ADK: variants seen among roughly 807,000 people sequenced by gnomAD.
The protein encoded by ADK is adenosine kinase.
ADK carries 24 observed loss-of-function variants against 44.7 expected under a neutral mutation model. That is an observed-to-expected ratio of 0.54 (90% CI 0.39 to 0.76). The LOEUF (loss-of-function observed/expected upper bound fraction) is 0.76, where lower values mean the gene tolerates loss of function less well. Ranked by LOEUF, ADK falls within the 30% of genes least tolerant of loss-of-function variation. The pLI is 0.00. For synonymous variants in ADK, 128 were observed against 142.6 expected (o/e 0.90, Z 0.73); for missense variants, 321 against 425.1 (o/e 0.76, Z 2.15).
chr10:74,423,478 G>T (rs180681521), intron 6 of ADK: 21 of 191,792 alleles, frequency 1.1e-4, no homozygotes, highest in Non-Finnish European at 2.2e-5. Context: ...TCTTCTGGAG[G>T]TCCGTACCTC....
chr10:74,381,907 TG>T (rs1351359188), intron 4 of ADK, among the ~76,000 whole-genome samples: 3 of 152,318 alleles, frequency 2.0e-5, no homozygotes, highest in African/African-American at 4.8e-5. Flanking sequence ...TGAGGGATTT[TG>T]CTTTTTATAA....
At chr10:74,380,157 G>A (rs1394974207) in intron 4 of ADK, among the ~76,000 whole-genome samples, 1 of 151,922 alleles carries the variant, frequency 6.6e-6, no homozygotes, top group Non-Finnish European at 1.5e-5. Flanking sequence ...GCTATGCTTT[G>A]CATTTTATAT....
chr10:74,415,039 T>C (rs998909355), intron 6 of ADK, among the ~76,000 whole-genome samples: 1 of 152,196 alleles, frequency 6.6e-6, no homozygotes, highest in African/African-American at 2.4e-5. Flanking sequence ...TAGTATTGGT[T>C]ATGGGAGCTT....
At position 74,218,471 on chromosome 10, in the gene ADK, G is replaced by A. The variant is rs558489862; in HGVS notation, c.141-6067G>A. ...CAGGATATTATCCAGGAGAACTTCT[G>A]CAATCTAGCAAGGCAGCCAACATTC... is the stretch of plus-strand genomic sequence containing the variant. On this transcript the variant is annotated intron_variant, in intron 2 of 10. Coordinates refer to ENST00000539909, the MANE Select transcript of ADK (RefSeq NM_006721.4). Among the ~76,000 whole-genome samples, 11 of 152,258 alleles carry A rather than the reference G, an allele frequency of 7.2e-5. 1 individual carries two copies. Among genetic ancestry groups the A allele is most frequent in the African/African-American group, 1.4e-4 (6 of 41,546 alleles).
rs759325869 is a variant in ADK at position 74,525,434 on chromosome 10, AC to A, written c.726+10del. ...CTTTTTGGAAATGAGACAGTGAGTTACCTTTCCTTTTTCAAAAGAACCTGGG... is the reference window on the plus strand; with the variant it reads ...CTTTTTGGAAATGAGACAGTGAGTTACTTTCCTTTTTCAAAAGAACCTGGG... On this transcript the variant is annotated intron_variant, in intron 7 of 10. Transcript: ENST00000539909. The A allele has an allele frequency of 1.2e-6, 2 of 1,608,282 alleles. No homozygotes were observed. The highest frequency in any genetic ancestry group is 4.5e-5 in the East Asian group (2 of 44,750).
At chr10:74,176,571 C>T in intron 1 of ADK, 3 of 1,349,194 alleles carry the variant, frequency 2.2e-6, no homozygotes, top group Non-Finnish European at 2.9e-6. Flanking sequence ...CTCAAGATGG[C>T]CACCGCGCCC....
intron 7 of ADK, among the ~76,000 whole-genome samples, chr10:74,570,722 T>C (rs532572051): frequency 1.3e-5 from 2 of 152,246 alleles, no homozygotes; most frequent in Non-Finnish European, 2.9e-5. Flanking sequence ...TATACAATCA[T>C]GTCATCTCAA....
intron 9 of ADK, among the ~76,000 whole-genome samples, chr10:74,621,983 G>A (rs1450455983): frequency 6.6e-6 from 1 of 151,998 alleles, no homozygotes; most frequent in Non-Finnish European, 1.5e-5. Flanking sequence ...TATCTGTTTT[G>A]TGTACCATAC....
intron 6 of ADK, among the ~76,000 whole-genome samples, chr10:74,439,334 T>C (rs1163797833): frequency 2.2e-5 from 2 of 89,560 alleles, no homozygotes; most frequent in African/African-American, 5.7e-5. Context: ...TTCTTTTTCC[T>C]TCCCTGTCTT....
At chr10:74,413,147 A>G (rs1175920534) in intron 6 of ADK, among the ~76,000 whole-genome samples, 1 of 152,078 alleles carries the variant, frequency 6.6e-6, no homozygotes, top group African/African-American at 2.4e-5. Context: ...GGCAGAGCAG[A>G]TTTAACATAA....
chr10:74,541,817 A>C (rs1849650233), intron 7 of ADK, among the ~76,000 whole-genome samples: 1 of 132,750 alleles, frequency 7.5e-6, no homozygotes, highest in South Asian at 2.6e-4. Context: ...AAAAAAAAAC[A>C]ACACAACACA....
intron 9 of ADK, among the ~76,000 whole-genome samples, chr10:74,630,391 T>G (rs1364481069): frequency 6.6e-6 from 1 of 152,060 alleles, no homozygotes; most frequent in African/African-American, 2.4e-5. Flanking sequence ...GTAATCATAT[T>G]CTTTTATTCT....
At chr10:74,548,342 G>A (rs1307863053) in intron 7 of ADK, among the ~76,000 whole-genome samples, 4 of 152,008 alleles carry the variant, frequency 2.6e-5, no homozygotes, top group Non-Finnish European at 4.4e-5. Context: ...TACAGAAGAG[G>A]ATAATTAAAT....
chr10:74,635,369 C>T (rs1478842461), intron 9 of ADK, among the ~76,000 whole-genome samples: 1 of 152,146 alleles, frequency 6.6e-6, no homozygotes, highest in Non-Finnish European at 1.5e-5. Context: ...CTATCTCCAG[C>T]AATATTTTCC....
At chr10:74,544,520 G>T (rs1849756980) in intron 7 of ADK, among the ~76,000 whole-genome samples, 1 of 152,112 alleles carries the variant, frequency 6.6e-6, no homozygotes. Flanking sequence ...AGGTGGTGCA[G>T]AATCATGTGA....
intron 7 of ADK, among the ~76,000 whole-genome samples, chr10:74,548,006 A>G (rs1849900098): frequency 6.6e-6 from 1 of 150,506 alleles, no homozygotes; most frequent in South Asian, 2.1e-4. Context: ...GTTGGCCATG[A>G]CGGTCTCGAT....
rs12264178 is a variant in ADK at position 74,359,424 on chromosome 10, C to A, written c.274-34717C>A. ...ACTTTGGTTAGTAAAGATATTTTAACAAGGCCGAGCATGGTGGCTCATGCC... is the reference window on the plus strand; with the variant it reads ...ACTTTGGTTAGTAAAGATATTTTAAAAAGGCCGAGCATGGTGGCTCATGCC... On this transcript the variant is annotated intron_variant, in intron 4 of 10. Coordinates refer to ENST00000539909, the MANE Select transcript of ADK (RefSeq NM_006721.4). Among the ~76,000 whole-genome samples, 781 of 152,244 alleles carry A rather than the reference C, an allele frequency of 5.1e-3. 8 individuals are homozygous for A. The highest frequency in any genetic ancestry group is 0.018 in the African/African-American group (752 of 41,526).
intron 6 of ADK, among the ~76,000 whole-genome samples, chr10:74,482,754 G>C (rs539205428): frequency 6.6e-6 from 1 of 152,170 alleles, no homozygotes; most frequent in African/African-American, 2.4e-5. Context: ...ATGCAAGTCC[G>C]AAACCCAGCA....
Position 74,172,805 on chromosome 10 carries a change from G to A in ADK, c.65+21462G>A, listed in dbSNP as rs1239432891. On this transcript the variant is annotated intron_variant, in intron 1 of 10. Transcript: ENST00000539909. ...CAAAAAATTTGCCAGGCCTGGTGGCGCACGCCTAGGGGATTGCTTGAACCC... is the reference window on the plus strand; with the variant it reads ...CAAAAAATTTGCCAGGCCTGGTGGCACACGCCTAGGGGATTGCTTGAACCC... Among the ~76,000 whole-genome samples, 2 of 148,030 alleles carry A rather than the reference G, an allele frequency of 1.4e-5. 1 individual carries two copies. The highest frequency in any genetic ancestry group is 4.3e-4 in the South Asian group (2 of 4,682).
Sources: gnomAD v4.1 joint callset for allele counts (sites outside exome capture counted in the v4.1 genomes callset) on GRCh38, gnomAD v4.1.1 for gene constraint, MANE v1.5 for transcripts, NCBI Gene and HGNC (gene_info 2026-07-23, HGNC 2026-07-21) for gene names.